The following SFT2D2 variants were observed in gnomAD, a reference collection of about 807,000 sequenced individuals.
SFT2D2 encodes the protein vesicle transport protein SFT2B.
A neutral mutation model predicts 27.4 loss-of-function variants in SFT2D2; 21 were observed. The ratio of observed to expected loss-of-function variants is 0.77; its 90% CI spans 0.54 to 1.10. SFT2D2 has a LOEUF of 1.10. Among genes scored for constraint, SFT2D2 ranks in the 50% least tolerant of loss-of-function variants. The pLI, the probability that SFT2D2 is intolerant of heterozygous loss-of-function variation, is 0.00. For missense variants in SFT2D2, 187 were observed against 194.2 expected, an observed-to-expected ratio of 0.96 and a Z score of 0.22; for synonymous variants, 72 against 71.7, an observed-to-expected ratio of 1.00 and a Z score of -0.02.
At chr1:168,233,084 A>T (rs145840272) in intron 3 of SFT2D2, among the ~76,000 whole-genome samples, 94 of 152,280 alleles carry the variant, frequency 6.2e-4, no homozygotes, top group African/African-American at 2.1e-3. Context: ...CAGCACGCAT[A>T]CAGTCAAGCG....
In SFT2D2 at chr1:168,246,709, A is replaced by G. The variant is rs1342465197; in HGVS notation, c.*4169A>G. 2 of 1,016,530 alleles carry G rather than the reference A, an allele frequency of 2.0e-6. No homozygotes were observed. Among genetic ancestry groups the G allele is most frequent in the Non-Finnish European group, 3.0e-6 (2 of 663,030 alleles). 63.0% of individuals were successfully genotyped at this position (1,016,530 alleles called of 1,614,324 possible). ...ATTCAGTCTACGATGGTATGATTCC[A>G]TTTCGTCAGTCTTTGCCTGCTTTGT... On this transcript the variant is annotated 3_prime_UTR_variant, in exon 8 of 8. Coordinates refer to ENST00000271375, the MANE Select transcript of SFT2D2 (RefSeq NM_199344.3).
In SFT2D2 at chr1:168,246,825, T is replaced by C. The variant is rs770550999; in HGVS notation, c.*4285T>C. On this transcript the variant is annotated 3_prime_UTR_variant, in exon 8 of 8. Transcript: ENST00000271375. ...ATAATGGGCTATCGTTTTTGTTGAT[T>C]TTTCCCCATTCTGTTTTAGAGCCTT... 1.5e-5 allele frequency: 10 copies of C among 673,392 alleles called. No individual in the cohort carries two copies. The highest frequency in any genetic ancestry group is 2.3e-5 in the Non-Finnish European group (9 of 388,308). The allele number at this position is 673,392 out of a possible 1,614,324, so 41.7% of individuals were successfully genotyped here.
In SFT2D2 at chr1:168,246,372, G is replaced by T; in HGVS notation, c.*3832G>T. On this transcript the variant is annotated 3_prime_UTR_variant, in exon 8 of 8. Coordinates refer to ENST00000271375, the MANE Select transcript of SFT2D2 (RefSeq NM_199344.3). ...TTGACATAATCTTACTTGCTTTTCT[G>T]TGCATTTTTCTACTTTATCTTGGCC... 1 of 563,526 alleles carries T rather than the reference G, an allele frequency of 1.8e-6. No homozygotes were observed. The highest frequency in any genetic ancestry group is 2.0e-5 in the South Asian group (1 of 49,970). 34.9% of individuals were successfully genotyped at this position (563,526 alleles called of 1,614,324 possible). A position where few individuals can be genotyped will look rare whatever the true frequency, so the allele number is the denominator to read the frequency against.
chr1:168,229,221 T>G (rs1204768363), intron 1 of SFT2D2, among the ~76,000 whole-genome samples: 1 of 152,222 alleles, frequency 6.6e-6, no homozygotes, highest in East Asian at 1.9e-4. Context: ...GTGTGAGGGC[T>G]GGAATCTCAC....
chr1:168,250,504 A>C lies in SFT2D2; in HGVS notation c.*7964A>C, dbSNP rs1320705295. On this transcript the variant is annotated 3_prime_UTR_variant, in exon 8 of 8. Coordinates refer to ENST00000271375, the MANE Select transcript of SFT2D2 (RefSeq NM_199344.3). ...GGAACCAATAAGGTGACTCTTTTGC[A>C]GATTGGAATATGGTGCTCAGCCAGC... The C allele has an allele frequency of 6.6e-6, 1 of 152,236 alleles. No homozygotes were observed. Among genetic ancestry groups the C allele is most frequent in the African/African-American group, 2.4e-5 (1 of 41,416 alleles). 9.4% of individuals were successfully genotyped at this position (152,236 alleles called of 1,614,324 possible).
intron 1 of SFT2D2, among the ~76,000 whole-genome samples, chr1:168,227,075 C>G (rs1262842692): frequency 6.6e-6 from 1 of 152,172 alleles, no homozygotes; most frequent in East Asian, 1.9e-4. Context: ...CCACCTCTGC[C>G]TCCCAAAGTG....
chr1:168,246,699 G>T lies in SFT2D2; in HGVS notation c.*4159G>T. 1.9e-6 allele frequency: 2 copies of T among 1,069,812 alleles called. No individual in the cohort carries two copies. The highest frequency in any genetic ancestry group is 2.8e-6 in the Non-Finnish European group (2 of 709,218). The allele number at this position is 1,069,812 out of a possible 1,614,324, so 66.3% of individuals were successfully genotyped here. A position where few individuals can be genotyped will look rare whatever the true frequency, so the allele number is the denominator to read the frequency against. On this transcript the variant is annotated 3_prime_UTR_variant, in exon 8 of 8. Coordinates refer to ENST00000271375, the MANE Select transcript of SFT2D2 (RefSeq NM_199344.3). The stretch of plus-strand genomic sequence containing the variant: ...GTAGAGCAACATTCAGTCTACGATG[G>T]TATGATTCCATTTCGTCAGTCTTTG...
intron 3 of SFT2D2, among the ~76,000 whole-genome samples, chr1:168,234,498 G>A (rs1052324341): frequency 4.6e-5 from 7 of 151,948 alleles, no homozygotes; most frequent in South Asian, 4.2e-4. Flanking sequence ...TGATTTTCTC[G>A]TCTCTAAAAT....
Position 168,250,853 on chromosome 1 carries a change from G to A in SFT2D2, c.*8313G>A, listed in dbSNP as rs751703373. On this transcript the variant is annotated 3_prime_UTR_variant, in exon 8 of 8. Coordinates refer to ENST00000271375, the MANE Select transcript of SFT2D2 (RefSeq NM_199344.3). ...GGAAGGGCAAAACATGGTCCCCAGTGTAGCATTTTCACTGGGTTGATTATC... is the reference window on the plus strand; with the variant it reads ...GGAAGGGCAAAACATGGTCCCCAGTATAGCATTTTCACTGGGTTGATTATC... 8 of 152,202 alleles carry A rather than the reference G, an allele frequency of 5.3e-5. No individual in the cohort carries two copies. The highest frequency in any genetic ancestry group is 8.8e-5 in the Non-Finnish European group (6 of 68,096). 9.4% of individuals were successfully genotyped at this position (152,202 alleles called of 1,614,324 possible).
rs753972561 is a variant in SFT2D2 at position 168,235,138 on chromosome 1, C to A, written c.274C>A (p.Arg92=). The change falls in exon 4 of 8, where the codon CGA becomes AGA. Residue 92 remains arginine (R), a synonymous_variant. Coordinates refer to ENST00000271375, the MANE Select transcript of SFT2D2 (RefSeq NM_199344.3). ...FLMGPVKQLK[R]MFEPTRLIAT... is the part of the protein sequence containing the mutation. Reference sequence around the variant, plus strand: ...CATGGGACCAGTGAAACAGCTGAAGCGAATGTTTGAGCCTACTCGTTTGAT... The same window carrying A: ...CATGGGACCAGTGAAACAGCTGAAGAGAATGTTTGAGCCTACTCGTTTGAT... 10 of 1,614,138 alleles carry A rather than the reference C, an allele frequency of 6.2e-6. No homozygotes were observed. In the South Asian group the frequency reaches 1.1e-4, roughly 18 times the overall value.
At chr1:168,238,890 A>G (rs1000069963) in intron 6 of SFT2D2, among the ~76,000 whole-genome samples, 1 of 152,202 alleles carries the variant, frequency 6.6e-6, no homozygotes. Flanking sequence ...TTATCTCCAC[A>G]TGAACCTTTT....
chr1:168,227,509 A>G (rs923874045), intron 1 of SFT2D2, among the ~76,000 whole-genome samples: 3 of 152,232 alleles, frequency 2.0e-5, no homozygotes, highest in Non-Finnish European at 4.4e-5. Flanking sequence ...GAGTAATTCT[A>G]TGGGATCGAA....
rs1472042394 is a variant in SFT2D2, at chr1:168,252,299, C to T, written c.*9759C>T. On this transcript the variant is annotated 3_prime_UTR_variant, in exon 8 of 8. Coordinates refer to ENST00000271375, the MANE Select transcript of SFT2D2 (RefSeq NM_199344.3). ...ACATTTAATAAACAGCCACAAACAA[C>T]AAAAGGACAACTGGTCCCCGATATA... is the stretch of plus-strand genomic sequence containing the variant. The T allele has an allele frequency of 3.3e-5, 5 of 152,170 alleles. No individual in the cohort carries two copies. The East Asian group carries it at 9.6e-4, about 29-fold the overall frequency. 9.4% of individuals were successfully genotyped at this position (152,170 alleles called of 1,614,324 possible).
At chr1:168,241,876 GAA>G (rs1647649326) in intron 7 of SFT2D2, among the ~76,000 whole-genome samples, 1 of 152,170 alleles carries the variant, frequency 6.6e-6, no homozygotes, top group Admixed American at 6.5e-5. Context: ...GCACAGTTGA[GAA>G]CGTGGAACAG....
At chr1:168,242,165 G>C (rs111772567) in intron 7 of SFT2D2, among the ~76,000 whole-genome samples, 19 of 152,274 alleles carry the variant, frequency 1.2e-4, no homozygotes, top group African/African-American at 4.6e-4. Flanking sequence ...CTGTGATTTT[G>C]ACCGATATTA....
chr1:168,246,339 C>G lies in SFT2D2; in HGVS notation c.*3799C>G, dbSNP rs1647811312. ...TTGCTGTTGAAGCAACATATTTTGTCTTCGTAGTTGACATAATCTTACTTG... is the reference window on the plus strand; with the variant it reads ...TTGCTGTTGAAGCAACATATTTTGTGTTCGTAGTTGACATAATCTTACTTG... On this transcript the variant is annotated 3_prime_UTR_variant, in exon 8 of 8. Transcript: ENST00000271375. The G allele has an allele frequency of 2.1e-6, 1 of 465,672 alleles. No homozygotes were observed. Among genetic ancestry groups the G allele is most frequent in the African/African-American group, 2.0e-5 (1 of 50,016 alleles). 28.8% of individuals were successfully genotyped at this position (465,672 alleles called of 1,614,324 possible). A position where few individuals can be genotyped will look rare whatever the true frequency, so the allele number is the denominator to read the frequency against.
At position 168,231,452 on chromosome 1, in the gene SFT2D2, A is replaced by G. The variant is rs148403904; in HGVS notation, c.64-62A>G. 2.5e-3 allele frequency: 3,453 copies of G among 1,355,800 alleles called. 6 individuals are homozygous for G. Among genetic ancestry groups the G allele is most frequent in the Non-Finnish European group, 3.3e-3 (3,109 of 953,814 alleles). 84.0% of individuals were successfully genotyped at this position (1,355,800 alleles called of 1,614,324 possible). Reference sequence around the variant, plus strand: ...AACTTAACACTTTCTAGATTTAGTTATGTGCTTGCTTTGTTTTTAGTAAAT... The same window carrying G: ...AACTTAACACTTTCTAGATTTAGTTGTGTGCTTGCTTTGTTTTTAGTAAAT... On this transcript the variant is annotated intron_variant, in intron 1 of 7. Transcript: ENST00000271375.
chr1:168,231,683 TTTGCCCTTC>T (rs1173356170), intron 2 of SFT2D2, 83 bp downstream of exon 2: 1 of 1,499,178 alleles, frequency 6.7e-7, no homozygotes, highest in Non-Finnish European at 9.3e-7. Context: ...CCTTTCCCCT[TTTGCCCTTC>T]ACTAAAATGC....
At chr1:168,239,206 A>G in intron 7 of SFT2D2, 46 bp downstream of exon 7, 3 of 1,451,752 alleles carry the variant, frequency 2.1e-6, no homozygotes, top group Non-Finnish European at 2.9e-6. Context: ...ATTTTAATTC[A>G]GAGTCTGCTT....
Sources: gnomAD v4.1 joint callset for allele counts (sites outside exome capture counted in the v4.1 genomes callset) on GRCh38, gnomAD v4.1.1 for gene constraint, MANE v1.5 for transcripts, NCBI Gene and HGNC (gene_info 2026-07-23, HGNC 2026-07-21) for gene names.